Variants in OXSR1 observed in about 807,000 individuals in gnomAD.
OXSR1 encodes oxidative stress responsive kinase 1.
A neutral mutation model predicts 79.8 loss-of-function variants in OXSR1; 24 were observed. That is an observed-to-expected ratio of 0.30 (90% CI 0.22 to 0.42). The LOEUF (loss-of-function observed/expected upper bound fraction) is 0.42. Among genes scored for constraint, OXSR1 ranks in the 10% least tolerant of loss-of-function variants. The probability of loss-of-function intolerance (pLI) is 1.00; values close to 1 mark genes in which losing one functional copy is unlikely to be tolerated. For missense variants in OXSR1, 430 were observed against 618.4 expected, an observed-to-expected ratio of 0.70 and a Z score of 3.23; for synonymous variants, 226 against 209.2, an observed-to-expected ratio of 1.08 and a Z score of -0.69.
At chr3:38,216,060 G>A in intron 4 of OXSR1, 36 bp from the exon 5 acceptor site, 1 of 1,340,078 alleles carries the variant, frequency 7.5e-7, no homozygotes, top group Non-Finnish European at 1.0e-6. Context: ...AAGAATAGAT[G>A]TTTTTTGATA....
At chr3:38,164,304 C>A (rs563333826), upstream of OXSR1, among the ~76,000 whole-genome samples, 1 of 152,308 alleles carries the variant, frequency 6.6e-6, no homozygotes, top group East Asian at 1.9e-4. Context: ...AGCCACCACG[C>A]CCAGCGATTT....
At chr3:38,227,119 T>A (rs867813785) in intron 8 of OXSR1, among the ~76,000 whole-genome samples, 2 of 152,292 alleles carry the variant, frequency 1.3e-5, no homozygotes, top group Middle Eastern at 3.4e-3. Context: ...TTAAACTTTG[T>A]TTAGAACATT....
Position 38,246,136 on chromosome 3 carries a change from A to G in OXSR1, c.1172A>G (p.His391Arg), listed in dbSNP as rs1177689077. 2 of 1,613,882 alleles carry G rather than the reference A, an allele frequency of 1.2e-6. No individual in the cohort carries two copies. The highest frequency in any genetic ancestry group is 4.5e-5 in the East Asian group (2 of 44,876). ...LLQVPEQISA[H>R]LPQPAGQIAT... ...CAAGTTCCAGAACAGATCTCTGCTC[A>G]TCTACCTCAGCCAGCTGGGCAGATT... The change falls in exon 13 of 18, where the codon CAT (histidine) becomes CGT (arginine). Residue 391 changes from histidine (H) to arginine (R), a missense_variant. His to Arg is a conservative substitution (Grantham distance 29, BLOSUM62 0). Coordinates refer to ENST00000311806, the MANE Select transcript of OXSR1 (RefSeq NM_005109.3).
chr3:38,191,220 ATT>A (rs1701975340), intron 3 of OXSR1, among the ~76,000 whole-genome samples: 1 of 147,258 alleles, frequency 6.8e-6, no homozygotes, highest in African/African-American at 2.4e-5. Flanking sequence ...TACTTTTATC[ATT>A]TAATTTAATA....
chr3:38,181,355 T>G (rs956777279), intron 1 of OXSR1, among the ~76,000 whole-genome samples: 3 of 114,094 alleles, frequency 2.6e-5, no homozygotes, highest in African/African-American at 1.1e-4. Flanking sequence ...GTTTCAAAAG[T>G]TTTTTTTTTT....
chr3:38,189,094 T>TA (rs1165193530), intron 2 of OXSR1, among the ~76,000 whole-genome samples: 1 of 152,322 alleles, frequency 6.6e-6, no homozygotes, highest in East Asian at 1.9e-4. Flanking sequence ...ATGAAAATCA[T>TA]ATGTACCTAT....
chr3:38,225,444 G>C (rs1343213811), intron 8 of OXSR1, among the ~76,000 whole-genome samples: 1 of 152,008 alleles, frequency 6.6e-6, no homozygotes. Flanking sequence ...TCATTAAAAG[G>C]GAAAGACTTT....
rs575122168 is a variant in OXSR1, at chr3:38,230,313, T to C, written c.886-52T>C. On this transcript the variant is annotated intron_variant, in intron 9 of 17. Transcript: ENST00000311806. ...TATGGTGAACTTTTTTGTGGGTTTT[T>C]TTTGGTACCTTAAAAACTTGTAAGA... is the stretch of plus-strand genomic sequence containing the variant. The C allele has an allele frequency of 4.3e-5, 51 of 1,181,668 alleles. No individual in the cohort carries two copies. The South Asian group carries it at 5.9e-4, about 14-fold the overall frequency. The allele number at this position is 1,181,668 out of a possible 1,614,324, so 73.2% of individuals were successfully genotyped here. A position where few individuals can be genotyped will look rare whatever the true frequency, so the allele number is the denominator to read the frequency against.
chr3:38,213,826 A>G (rs36052774), intron 4 of OXSR1, among the ~76,000 whole-genome samples: 3,306 of 152,324 alleles, frequency 0.022, 122 homozygotes, highest in African/African-American at 0.073. Flanking sequence ...TTTTATGTCA[A>G]TATAAGCATA....
Position 38,246,133 on chromosome 3 carries a change from C to T in OXSR1, c.1169C>T (p.Ala390Val), listed in dbSNP as rs764761772. 26 of 1,613,538 alleles carry T rather than the reference C, an allele frequency of 1.6e-5. No individual in the cohort carries two copies. The highest frequency in any genetic ancestry group is 8.5e-7 in the Non-Finnish European group (1 of 1,179,672). ...TLLQVPEQIS[A>V]HLPQPAGQIA... ...CTCCAAGTTCCAGAACAGATCTCTG[C>T]TCATCTACCTCAGCCAGCTGGGCAG... The change falls in exon 13 of 18, where the codon GCT (alanine) becomes GTT (valine). Residue 390 changes from alanine to valine, a missense_variant. Ala to Val is a moderately conservative substitution (Grantham distance 64, BLOSUM62 0). Around this residue, in one of 3 missense-constraint regions of OXSR1, gnomAD observed 276 missense variants for 354.2 expected, o/e 0.78. Coordinates refer to ENST00000311806, the MANE Select transcript of OXSR1 (RefSeq NM_005109.3).
At chr3:38,221,839 G>C (rs1702597031) in intron 6 of OXSR1, 152 bp downstream of exon 6, 1 of 506,242 alleles carries the variant, frequency 2.0e-6, no homozygotes, top group Admixed American at 3.6e-5. Flanking sequence ...CCCTTGAAAA[G>C]AAAACAACAA....
At chr3:38,178,648 T>A (rs1186462742) in intron 1 of OXSR1, among the ~76,000 whole-genome samples, 6 of 144,858 alleles carry the variant, frequency 4.1e-5, no homozygotes, top group Non-Finnish European at 7.6e-5. Flanking sequence ...TTTTCTTTTT[T>A]TGTATTTTTT....
chr3:38,231,236 A>G (rs1365042651), intron 10 of OXSR1, among the ~76,000 whole-genome samples: 1 of 152,230 alleles, frequency 6.6e-6, no homozygotes, highest in Non-Finnish European at 1.5e-5. Flanking sequence ...TGATATTCTT[A>G]ATAAGCACTG....
chr3:38,191,491 T>C (rs558373377), intron 3 of OXSR1, among the ~76,000 whole-genome samples: 1 of 152,306 alleles, frequency 6.6e-6, no homozygotes, highest in African/African-American at 2.4e-5. Context: ...AAGTATTTCT[T>C]CTTGGTGGTA....
intron 6 of OXSR1, among the ~76,000 whole-genome samples, chr3:38,222,311 AGG>A (rs575830313): frequency 3.8e-4 from 58 of 152,304 alleles, no homozygotes; most frequent in African/African-American, 1.3e-3. Flanking sequence ...ATGAACGAGA[AGG>A]GGCTTTGGAG....
intron 8 of OXSR1, among the ~76,000 whole-genome samples, chr3:38,227,303 TGAA>T (rs1452312099): frequency 6.6e-6 from 1 of 152,118 alleles, no homozygotes; most frequent in Non-Finnish European, 1.5e-5. Context: ...ATTTTACAAA[TGAA>T]GAAACTGAAT....
intron 11 of OXSR1, among the ~76,000 whole-genome samples, chr3:38,241,323 T>C (rs1703029005): frequency 6.6e-6 from 1 of 152,104 alleles, no homozygotes; most frequent in Admixed American, 6.6e-5. Flanking sequence ...AAAATGTTGA[T>C]GTTCCAGATT....
chr3:38,187,289 C>T (rs1305244754), intron 2 of OXSR1, among the ~76,000 whole-genome samples: 2 of 152,146 alleles, frequency 1.3e-5, no homozygotes, highest in African/African-American at 2.4e-5. Flanking sequence ...AAATTTATTT[C>T]ATGACCCACA....
chr3:38,254,368 G>A lies in OXSR1; in HGVS notation c.*1477G>A. On this transcript the variant is annotated 3_prime_UTR_variant, in exon 18 of 18. Transcript: ENST00000311806. ...ATTCTGAGTCTTTAGTTTTAGTCATGGGCTTTCTTCACCTGCTCTAGGTGC... is the reference window on the plus strand; with the variant it reads ...ATTCTGAGTCTTTAGTTTTAGTCATAGGCTTTCTTCACCTGCTCTAGGTGC... 1 of 395,398 alleles carries A rather than the reference G, an allele frequency of 2.5e-6. No individual in the cohort carries two copies. Among genetic ancestry groups the A allele is most frequent in the Non-Finnish European group, 4.5e-6 (1 of 224,394 alleles). 24.5% of individuals were successfully genotyped at this position (395,398 alleles called of 1,614,324 possible). A position where few individuals can be genotyped will look rare whatever the true frequency, so the allele number is the denominator to read the frequency against.
Sources: gnomAD v4.1 joint callset for allele counts (sites outside exome capture counted in the v4.1 genomes callset) on GRCh38, gnomAD v4.1.1 for gene constraint, gnomAD v4.1.1 regional missense constraint, MANE v1.5 for transcripts, NCBI Gene and HGNC (gene_info 2026-07-23, HGNC 2026-07-21) for gene names.